Variants in INPP4B observed in about 807,000 individuals in gnomAD.
The protein encoded by INPP4B is inositol polyphosphate 4-phosphatase type II.
INPP4B carries 55 observed loss-of-function variants against 122.5 expected under a neutral mutation model. That is an observed-to-expected ratio of 0.45 (90% CI 0.36 to 0.56). The LOEUF (loss-of-function observed/expected upper bound fraction) is 0.56, where lower values mean the gene tolerates loss of function less well. Among genes scored for constraint, INPP4B ranks in the 20% least tolerant of loss-of-function variants. The probability of loss-of-function intolerance (pLI) is 0.00; values close to 1 mark genes in which losing one functional copy is unlikely to be tolerated. For synonymous variants in INPP4B, 403 were observed against 388.7 expected (o/e 1.04, Z -0.43); for missense variants, 1,000 against 1,097.7 (o/e 0.91, Z 1.26).
At chr4:142,524,215 T>TC (rs779965216) in intron 2 of INPP4B, among the ~76,000 whole-genome samples, 3 of 152,228 alleles carry the variant, frequency 2.0e-5, no homozygotes, top group African/African-American at 4.8e-5. Context: ...TAGTTCTAGA[T>TC]CCTGAGGAAT....
chr4:142,083,355 TC>T (rs1775100281), intron 24 of INPP4B, among the ~76,000 whole-genome samples: 2 of 152,158 alleles, frequency 1.3e-5, no homozygotes, highest in Non-Finnish European at 1.5e-5. Flanking sequence ...CTGATTTAAG[TC>T]AGAGAAAAAT....
At chr4:142,035,035 GGTCTGT>G (rs1023104155) in intron 25 of INPP4B, among the ~76,000 whole-genome samples, 39 of 152,098 alleles carry the variant, frequency 2.6e-4, no homozygotes, top group African/African-American at 8.9e-4. Flanking sequence ...AAGCCCTCCA[GGTCTGT>G]GTCTGTGTCT....
rs1581039455 is a variant in INPP4B at position 142,842,654 on chromosome 4, T to C, written c.-254+3555A>G. On this transcript the variant is annotated intron_variant, in intron 1 of 25. Coordinates refer to ENST00000262992, the MANE Select transcript of INPP4B (RefSeq NM_001101669.3). ...AATAATCCTAACATAATATATTATG[T>C]TAATATATAACATAATATAATATTA... Among the ~76,000 whole-genome samples the C allele has an allele frequency of 5.3e-5, 7 of 133,226 alleles. No individual in the cohort carries two copies. The South Asian group carries it at 1.5e-3, about 29-fold the overall frequency. 87.4% of individuals were successfully genotyped at this position (133,226 alleles called of 152,430 possible). A position where few individuals can be genotyped will look rare whatever the true frequency, so the allele number is the denominator to read the frequency against.
chr4:142,602,970 CAATGATAGACTGGACAAAGAA>C lies in INPP4B; in HGVS notation c.-191+122848_-191+122868del, dbSNP rs573185187. 1.2e-4 allele frequency among the ~76,000 whole-genome samples: 18 copies of C among 152,090 alleles called. No homozygotes were observed. In the South Asian group the frequency reaches 3.5e-3, roughly 30 times the overall value. On this transcript the variant is annotated intron_variant, in intron 2 of 25. Transcript: ENST00000262992. Reference sequence around the variant, plus strand: ...GACATGAATCGACCTAAAAGCCCATCAATGATAGACTGGACAAAGAAAATGATAGACTGGATAAAGAAAATG... The same window carrying C: ...GACATGAATCGACCTAAAAGCCCATCAATGATAGACTGGATAAAGAAAATG...
intron 7 of INPP4B, among the ~76,000 whole-genome samples, chr4:142,384,902 T>C (rs1004984725): frequency 3.3e-5 from 5 of 152,176 alleles, no homozygotes; most frequent in African/African-American, 9.7e-5. Context: ...GGCCTCCAAC[T>C]ACATACGAGT....
At chr4:142,547,981 A>T (rs754225618) in intron 2 of INPP4B, among the ~76,000 whole-genome samples, 1 of 152,196 alleles carries the variant, frequency 6.6e-6, no homozygotes, top group Non-Finnish European at 1.5e-5. Flanking sequence ...AAAGATTGAG[A>T]GAAAAGCTAA....
At chr4:142,099,079 G>A in intron 23 of INPP4B, among the ~76,000 whole-genome samples, 1 of 152,098 alleles carries the variant, frequency 6.6e-6, no homozygotes, top group East Asian at 1.9e-4. Flanking sequence ...AGGAAGATGA[G>A]GACAAGTGAC....
At chr4:142,534,395 C>T (rs1188144979) in intron 2 of INPP4B, among the ~76,000 whole-genome samples, 1 of 152,060 alleles carries the variant, frequency 6.6e-6, no homozygotes. Flanking sequence ...GAGATTAGCA[C>T]CCTTATCAAG....
intron 25 of INPP4B, chr4:142,030,202 G>A: frequency 4.6e-6 from 7 of 1,535,672 alleles, no homozygotes; most frequent in Non-Finnish European, 6.1e-6. Context: ...CTGACAAGCA[G>A]CAAGGCGACA....
intron 15 of INPP4B, among the ~76,000 whole-genome samples, chr4:142,174,556 CTT>C (rs1286256446): frequency 1.3e-5 from 2 of 152,020 alleles, no homozygotes; most frequent in African/African-American, 4.8e-5. Flanking sequence ...TATCACGACA[CTT>C]TTTCTTCTTA....
At chr4:142,481,652 T>C (rs1820564175) in intron 2 of INPP4B, among the ~76,000 whole-genome samples, 1 of 152,126 alleles carries the variant, frequency 6.6e-6, no homozygotes, top group African/African-American at 2.4e-5. Flanking sequence ...CATATTGGCA[T>C]GTGGCTAGGT....
rs375993141 is a variant in INPP4B at position 142,441,607 on chromosome 4, TA to T, written c.-126-10223del. ...AAAACCAAATAATTCATGAAGTCAC[TA>T]AAAAAATGCATATAGTGAGAAGAAG... On this transcript the variant is annotated intron_variant, in intron 3 of 25. Transcript: ENST00000262992. Among the ~76,000 whole-genome samples the T allele has an allele frequency of 2.3e-3, 346 of 152,084 alleles. 4 individuals are homozygous for T. In the East Asian group the frequency reaches 0.023, roughly 10 times the overall value.
At chr4:142,770,489 G>A (rs1772879495) in intron 1 of INPP4B, among the ~76,000 whole-genome samples, 1 of 152,022 alleles carries the variant, frequency 6.6e-6, no homozygotes, top group African/African-American at 2.4e-5. Context: ...ACTGGCACCA[G>A]GAGCATCAAA....
intron 3 of INPP4B, among the ~76,000 whole-genome samples, chr4:142,449,974 C>T (rs2149499498): frequency 6.6e-6 from 1 of 152,302 alleles, no homozygotes; most frequent in Non-Finnish European, 1.5e-5. Context: ...ATCAGCACTT[C>T]CCAGGCTGCC....
chr4:142,573,523 A>G lies in INPP4B; in HGVS notation c.-190-110797T>C, dbSNP rs183933912. On this transcript the variant is annotated intron_variant, in intron 2 of 25. Coordinates refer to ENST00000262992, the MANE Select transcript of INPP4B (RefSeq NM_001101669.3). ...AAAAAATCAATCATATACCTGGCTC[A>G]GACATAAGTGATCTCTATTGCCTGT... Among the ~76,000 whole-genome samples, 441 of 152,242 alleles carry G rather than the reference A, an allele frequency of 2.9e-3. 2 individuals are homozygous for G. Among genetic ancestry groups the G allele is most frequent in the Middle Eastern group, 0.01 (3 of 294 alleles).
intron 2 of INPP4B, among the ~76,000 whole-genome samples, chr4:142,545,704 T>TAC (rs1829479841): frequency 2.2e-5 from 1 of 46,140 alleles, no homozygotes; most frequent in African/African-American, 4.5e-5. Flanking sequence ...TATGTGTATA[T>TAC]ATATGTGTGT....
At chr4:142,261,970 G>T (rs969162842) in intron 10 of INPP4B, among the ~76,000 whole-genome samples, 1 of 151,942 alleles carries the variant, frequency 6.6e-6, no homozygotes, top group Non-Finnish European at 1.5e-5. Context: ...TCTCTAAATC[G>T]CATTTCTGAC....
intron 25 of INPP4B, among the ~76,000 whole-genome samples, chr4:142,072,339 G>A (rs1767952236): frequency 6.6e-6 from 1 of 151,976 alleles, no homozygotes; most frequent in Non-Finnish European, 1.5e-5. Context: ...CCTGTCATGG[G>A]GTGAGGGGAG....
At chr4:142,270,103 T>C (rs971793819) in intron 10 of INPP4B, among the ~76,000 whole-genome samples, 13 of 151,960 alleles carry the variant, frequency 8.6e-5, no homozygotes, top group Non-Finnish European at 1.9e-4. Context: ...CTTTATTCTG[T>C]GTTTCAGGAA....
Sources: allele counts gnomAD v4.1 joint callset (sites outside exome capture counted in the v4.1 genomes callset), GRCh38; gene constraint gnomAD v4.1.1; transcripts MANE v1.5; gene names NCBI Gene and HGNC (gene_info 2026-07-23, HGNC 2026-07-21).